Variants in ST3GAL3 observed in about 807,000 individuals in gnomAD.
ST3GAL3 encodes CMP-N-acetylneuraminate-beta-1,4-galactoside alpha-2,3-sialyltransferase.
A neutral mutation model predicts 50.1 loss-of-function variants in ST3GAL3; 21 were observed. The observed-to-expected ratio is 0.42, with a 90% CI of 0.30 to 0.60. The LOEUF (loss-of-function observed/expected upper bound fraction) is 0.60. ST3GAL3 is among the 20% of genes least tolerant of loss of function. The probability of loss-of-function intolerance (pLI) is 0.19; values close to 1 mark genes in which losing one functional copy is unlikely to be tolerated. For missense variants in ST3GAL3, 353 were observed against 489.4 expected (o/e 0.72, Z 2.63); for synonymous variants, 183 against 190.0 (o/e 0.96, Z 0.30).
intron 2 of ST3GAL3, among the ~76,000 whole-genome samples, chr1:43,744,413 C>T (rs1682541217): frequency 6.6e-6 from 1 of 151,924 alleles, no homozygotes; most frequent in South Asian, 2.1e-4. Flanking sequence ...TCATGCCCAG[C>T]TAATTTTTGT....
intron 5 of ST3GAL3, among the ~76,000 whole-genome samples, chr1:43,878,078 C>T (rs1008712574): frequency 1.3e-5 from 2 of 152,168 alleles, no homozygotes; most frequent in Non-Finnish European, 2.9e-5. Context: ...GGGCTCCCTC[C>T]AGATGCTCTA....
At chr1:43,879,242 T>C (rs1190732751) in intron 5 of ST3GAL3, 9 of 455,552 alleles carry the variant, frequency 2.0e-5, no homozygotes, top group Admixed American at 1.2e-4. Context: ...GCCAGTATGC[T>C]GTAACAGGGT....
intron 1 of ST3GAL3, among the ~76,000 whole-genome samples, chr1:43,718,590 C>G (rs565374639): frequency 6.6e-6 from 1 of 150,710 alleles, no homozygotes; most frequent in Non-Finnish European, 1.5e-5. Flanking sequence ...GTGTTTTTCC[C>G]TTCTTCTCCC....
intron 2 of ST3GAL3, among the ~76,000 whole-genome samples, chr1:43,759,877 G>C (rs1368640305): frequency 6.6e-6 from 1 of 152,134 alleles, no homozygotes; most frequent in Admixed American, 6.6e-5. Flanking sequence ...ACTCAAAAAC[G>C]AATGTCTACT....
intron 2 of ST3GAL3, among the ~76,000 whole-genome samples, chr1:43,747,482 G>T (rs900288807): frequency 6.6e-6 from 1 of 151,716 alleles, no homozygotes; most frequent in Non-Finnish European, 1.5e-5. Flanking sequence ...GGGCTTCCAT[G>T]CTGTCTCCAG....
intron 1 of ST3GAL3, among the ~76,000 whole-genome samples, chr1:43,720,022 T>C (rs1296316007): frequency 1.6e-4 from 24 of 149,980 alleles, no homozygotes; most frequent in Admixed American, 1.6e-3. Context: ...GTGGGAGGAT[T>C]ACTTGAGCCC....
intron 5 of ST3GAL3, chr1:43,858,019 A>T: frequency 1.5e-6 from 1 of 645,914 alleles, no homozygotes; most frequent in Non-Finnish European, 2.4e-6. Context: ...CCCTCTTCAC[A>T]GATGGTTTGA....
rs1393138239 is a variant in ST3GAL3 at position 43,899,595 on chromosome 1, A to C, written c.612A>C (p.Thr204=). The C allele has an allele frequency of 6.8e-6, 11 of 1,613,980 alleles. No individual in the cohort carries two copies. The highest frequency in any genetic ancestry group is 8.5e-6 in the Non-Finnish European group (10 of 1,180,032). ...AGAAGGACGTGGGCAGCAAAACGAC[A>C]CTGCGCATCACCTACCCCGAGGGCG... ...GFEKDVGSKT[T]LRITYPEGAM... The change falls in exon 9 of 12, where the codon ACA becomes ACC. Residue 204 remains threonine (T), a synonymous_variant. Coordinates refer to ENST00000347631, the MANE Select transcript of ST3GAL3 (RefSeq NM_006279.5). The surrounding 1 kb of genome is among the most constrained non-coding windows in gnomAD (Gnocchi z 5.4).
At chr1:43,723,098 T>G (rs1171434414) in intron 1 of ST3GAL3, among the ~76,000 whole-genome samples, 1 of 150,926 alleles carries the variant, frequency 6.6e-6, no homozygotes, top group East Asian at 1.9e-4. Flanking sequence ...AACCCTCCCC[T>G]CTCTCTCTTC....
intron 1 of ST3GAL3, among the ~76,000 whole-genome samples, chr1:43,718,590 C>T (rs565374639): frequency 2.7e-5 from 4 of 150,796 alleles, no homozygotes; most frequent in African/African-American, 9.8e-5. Context: ...GTGTTTTTCC[C>T]TTCTTCTCCC....
chr1:43,810,347 C>G (rs1006897558), intron 3 of ST3GAL3, among the ~76,000 whole-genome samples: 3 of 152,064 alleles, frequency 2.0e-5, no homozygotes, highest in African/African-American at 7.2e-5. Context: ...TCAAGAAAAG[C>G]CTCGTAGGGT....
intron 5 of ST3GAL3, among the ~76,000 whole-genome samples, chr1:43,875,738 A>G (rs1320995071): frequency 1.3e-5 from 2 of 152,090 alleles, no homozygotes; most frequent in Non-Finnish European, 2.9e-5. Flanking sequence ...TGAGTTGATT[A>G]AACCTCTTTC....
chr1:43,796,730 T>C (rs925955668), intron 3 of ST3GAL3, among the ~76,000 whole-genome samples: 1 of 152,200 alleles, frequency 6.6e-6, no homozygotes, highest in Non-Finnish European at 1.5e-5. Context: ...CCAGGAAAAT[T>C]TGAACTTGCA....
At chr1:43,824,596 T>C in intron 4 of ST3GAL3, 3 of 991,616 alleles carry the variant, frequency 3.0e-6, no homozygotes, top group East Asian at 2.4e-5. Flanking sequence ...CAGGAGAGCA[T>C]AGCATTGCAG....
intron 5 of ST3GAL3, among the ~76,000 whole-genome samples, chr1:43,859,523 C>T (rs895048032): frequency 1.3e-5 from 2 of 151,914 alleles, no homozygotes; most frequent in Non-Finnish European, 2.9e-5. Context: ...CACGCCATTG[C>T]ACTCCAGCCT....
intron 2 of ST3GAL3, among the ~76,000 whole-genome samples, chr1:43,777,520 A>G (rs1275796985): frequency 2.6e-5 from 4 of 152,156 alleles, no homozygotes; most frequent in East Asian, 1.9e-4. Flanking sequence ...AAAACAAGCA[A>G]TGGGGAATGA....
Position 43,905,631 on chromosome 1 carries a change from C to T in ST3GAL3, c.744+5904C>T, listed in dbSNP as rs61723603. ...CTCCCCCTCCTCCTGCTTCTCTTCC[C>T]GCCACTGTTTCTCCCCCTCCTCCTG... On this transcript the variant is annotated intron_variant, in intron 9 of 11. Coordinates refer to ENST00000347631, the MANE Select transcript of ST3GAL3 (RefSeq NM_006279.5). Among the ~76,000 whole-genome samples the T allele has an allele frequency of 2.7e-3, 22 of 8,136 alleles. 3 individuals are homozygous for T. Among genetic ancestry groups the T allele is most frequent in the Non-Finnish European group, 6.4e-3 (14 of 2,194 alleles). 5.3% of individuals were successfully genotyped at this position (8,136 alleles called of 152,430 possible).
chr1:43,776,328 A>T (rs917182771), intron 2 of ST3GAL3, among the ~76,000 whole-genome samples: 2 of 152,130 alleles, frequency 1.3e-5, no homozygotes, highest in Non-Finnish European at 2.9e-5. Context: ...GTCTTTTGTG[A>T]CTGGCTATAT....
chr1:43,799,225 A>G (rs902856039), intron 3 of ST3GAL3, among the ~76,000 whole-genome samples: 6 of 152,194 alleles, frequency 3.9e-5, no homozygotes, highest in Non-Finnish European at 5.9e-5. Flanking sequence ...TTCATTCTTT[A>G]TAAGTGTTTT....
Sources: allele counts gnomAD v4.1 joint callset (sites outside exome capture counted in the v4.1 genomes callset), GRCh38; gene constraint gnomAD v4.1.1; non-coding constraint Gnocchi (gnomAD v3.1); transcripts MANE v1.5; gene names NCBI Gene and HGNC (gene_info 2026-07-23, HGNC 2026-07-21).